Variants in TULP4 observed in about 807,000 individuals in gnomAD.
TULP4 encodes the protein tubby-related protein 4.
Under a neutral mutation model 129.0 loss-of-function variants are expected in TULP4, and 16 were observed. The observed-to-expected ratio is 0.12, with a 90% CI of 0.08 to 0.19. The LOEUF is 0.19. Among genes scored for constraint, TULP4 ranks in the 10% least tolerant of loss-of-function variants. The probability of loss-of-function intolerance (pLI) is 1.00; values close to 1 mark genes in which losing one functional copy is unlikely to be tolerated. For synonymous variants in TULP4, 998 were observed against 854.0 expected (o/e 1.17, Z -2.94); for missense variants, 1,842 against 2,059.1 (o/e 0.89, Z 2.04).
At chr6:158,446,002 C>A (rs766089099) in intron 3 of TULP4, among the ~76,000 whole-genome samples, 3 of 152,132 alleles carry the variant, frequency 2.0e-5, no homozygotes, top group Non-Finnish European at 4.4e-5. Context: ...GAGCACCAGC[C>A]CACTTAGAAC....
chr6:158,258,597 C>T (rs1251615313), intron 1 of TULP4, among the ~76,000 whole-genome samples: 1 of 152,124 alleles, frequency 6.6e-6, no homozygotes, highest in African/African-American at 2.4e-5. Context: ...AGACACCACT[C>T]CAACAGTTAA....
intron 1 of TULP4, among the ~76,000 whole-genome samples, chr6:158,368,066 CAAAAA>C (rs3085241): frequency 1.2e-4 from 8 of 65,008 alleles, no homozygotes; most frequent in African/African-American, 2.3e-4. Flanking sequence ...ACCCTGTCTC[CAAAAA>C]AAAAAAAAAA....
At chr6:158,234,069 C>T (rs1315510193) in intron 1 of TULP4, among the ~76,000 whole-genome samples, 2 of 152,150 alleles carry the variant, frequency 1.3e-5, no homozygotes, top group Non-Finnish European at 2.9e-5. Flanking sequence ...TGATTGCTTC[C>T]TGTGGTTGAG....
intron 8 of TULP4, among the ~76,000 whole-genome samples, chr6:158,483,153 A>G (rs1161654702): frequency 1.3e-5 from 2 of 152,202 alleles, no homozygotes; most frequent in Non-Finnish European, 2.9e-5. Context: ...TTTGGGTGAT[A>G]AGACAATGTA....
intron 1 of TULP4, among the ~76,000 whole-genome samples, chr6:158,374,070 G>A (rs533436401): frequency 9.9e-5 from 15 of 152,230 alleles, no homozygotes; most frequent in African/African-American, 3.1e-4. Context: ...TAATAGTGCC[G>A]TTAGGATACT....
intron 1 of TULP4, among the ~76,000 whole-genome samples, chr6:158,330,678 A>G (rs575105111): frequency 1.3e-5 from 2 of 152,296 alleles, no homozygotes; most frequent in Non-Finnish European, 2.9e-5. Flanking sequence ...ATTATTCTCC[A>G]TACTCCACTT....
intron 1 of TULP4, among the ~76,000 whole-genome samples, chr6:158,318,696 A>G (rs1779548962): frequency 6.6e-6 from 1 of 152,050 alleles, no homozygotes; most frequent in Non-Finnish European, 1.5e-5. Flanking sequence ...ACAAGTCCTC[A>G]ATCCCTTATC....
chr6:158,474,764 A>C (rs1779776563), intron 6 of TULP4, among the ~76,000 whole-genome samples: 1 of 152,152 alleles, frequency 6.6e-6, no homozygotes, highest in Admixed American at 6.5e-5. Flanking sequence ...GAATATTTGC[A>C]TTGTATCAGG....
chr6:158,276,064 A>G (rs1380156787), intron 1 of TULP4, among the ~76,000 whole-genome samples: 1 of 151,394 alleles, frequency 6.6e-6, no homozygotes. Context: ...CCGCTGCAAG[A>G]GTTTAAGCGA....
At chr6:158,423,137 A>AGGG (rs1778392066) in intron 2 of TULP4, among the ~76,000 whole-genome samples, 1 of 128,204 alleles carries the variant, frequency 7.8e-6, no homozygotes, top group Non-Finnish European at 1.7e-5. Flanking sequence ...GGGGGGGGGA[A>AGGG]AGAAACCTTC....
At chr6:158,441,738 G>T (rs560748495) in intron 3 of TULP4, among the ~76,000 whole-genome samples, 1 of 152,218 alleles carries the variant, frequency 6.6e-6, no homozygotes, top group South Asian at 2.1e-4. Flanking sequence ...CAGACTCTCG[G>T]ACATAAATTA....
rs147394704 is a variant in TULP4, at chr6:158,290,076, A to G, written n.116+7698A>G. ...CTCAGTCTCTTGTGTAGCTGGGACC[A>G]TAGGCGCATGCCACCATGCTGGCTA... On this transcript the variant is annotated intron_variant and non_coding_transcript_variant, in intron 1 of 1. Coordinates refer to the TULP4 transcript ENST00000432358. 3.1e-3 allele frequency among the ~76,000 whole-genome samples: 466 copies of G among 151,820 alleles called. 1 individual carries two copies. Among genetic ancestry groups the G allele is most frequent in the Middle Eastern group, 0.021 (6 of 286 alleles).
chr6:158,239,769 A>T (rs1583664973), intron 1 of TULP4, among the ~76,000 whole-genome samples: 32 of 53,672 alleles, frequency 6.0e-4, no homozygotes, highest in South Asian at 2.5e-3. Flanking sequence ...CGGAGGGCTG[A>T]CCCCCCCACC....
chr6:158,395,098 C>T (rs2114961111), intron 1 of TULP4, among the ~76,000 whole-genome samples: 1 of 152,248 alleles, frequency 6.6e-6, no homozygotes, highest in Admixed American at 6.5e-5. Context: ...CCAGGTCCCT[C>T]CTCCAATTTG....
chr6:158,375,185 G>C (rs528558083), intron 1 of TULP4, among the ~76,000 whole-genome samples: 1 of 152,346 alleles, frequency 6.6e-6, no homozygotes, highest in African/African-American at 2.4e-5. Context: ...AGAGGTTGCA[G>C]TGAACCGAGA....
At chr6:158,436,897 A>T (rs1405395963) in intron 3 of TULP4, among the ~76,000 whole-genome samples, 1 of 152,164 alleles carries the variant, frequency 6.6e-6, no homozygotes, top group Non-Finnish European at 1.5e-5. Context: ...GAAAGTGGGT[A>T]GGTTTATCCT....
chr6:158,461,419 A>G lies in TULP4; in HGVS notation c.860-144A>G, dbSNP rs1779422034. On this transcript the variant is annotated intron_variant, in intron 5 of 13. Coordinates refer to ENST00000367097, the MANE Select transcript of TULP4 (RefSeq NM_020245.5). ...GGAGTGAAACTCCGTCTCAAAAAAA[A>G]AAAAAAAGGAAAAAACCATGAATAT... The G allele has an allele frequency of 5.8e-6, 5 of 858,834 alleles. 1 individual carries two copies. The African/African-American group carries it at 6.7e-5, about 11-fold the overall frequency. 53.2% of individuals were successfully genotyped at this position (858,834 alleles called of 1,614,324 possible).
At position 158,506,609 on chromosome 6, in the gene TULP4, C is replaced by T. The variant is rs138246958; in HGVS notation, c.4547C>T (p.Ala1516Val). 569 of 1,613,606 alleles carry T rather than the reference C, an allele frequency of 3.5e-4. 1 individual carries two copies. Among genetic ancestry groups the T allele is most frequent in the Non-Finnish European group, 4.3e-4 (503 of 1,179,508 alleles). The change falls in exon 14 of 14, where the codon GCG becomes GTG. Residue 1516 changes from alanine (A) to valine (V), a missense_variant. Around this residue, in one of 5 missense-constraint regions of TULP4, gnomAD observed 47 missense variants for 104.0 expected, o/e 0.45. Coordinates refer to ENST00000367097, the MANE Select transcript of TULP4 (RefSeq NM_020245.5). ...VMQFGRIDGSAYILDFQYPFS... is the reference protein window; with the variant it reads ...VMQFGRIDGSVYILDFQYPFS... ...CAGTTTGGACGGATTGATGGCAGTG[C>T]GTACATTCTAGACTTCCAGTATCCG...
chr6:158,398,987 G>T (rs541189363), intron 1 of TULP4, among the ~76,000 whole-genome samples: 7 of 152,168 alleles, frequency 4.6e-5, no homozygotes, highest in African/African-American at 9.7e-5. Context: ...GTGTGTGAAC[G>T]TTGTGTGGAT....
Sources: gnomAD v4.1 joint callset for allele counts (sites outside exome capture counted in the v4.1 genomes callset) on GRCh38, gnomAD v4.1.1 for gene constraint, gnomAD v4.1.1 regional missense constraint, MANE v1.5 for transcripts, NCBI Gene and HGNC (gene_info 2026-07-23, HGNC 2026-07-21) for gene names.